The following SMOC1 variants were observed in gnomAD, a reference collection of about 807,000 sequenced individuals.
SMOC1 encodes the protein SPARC related modular calcium binding 1.
SMOC1 carries 22 observed loss-of-function variants against 56.3 expected under a neutral mutation model. That is an observed-to-expected ratio of 0.39 (90% confidence interval 0.28 to 0.56). The LOEUF (loss-of-function observed/expected upper bound fraction) is 0.56. Among genes scored for constraint, SMOC1 ranks in the 20% least tolerant of loss-of-function variants. SMOC1 has a pLI of 0.61. For missense variants in SMOC1, 509 were observed against 565.4 expected (o/e 0.90, Z 1.01); for synonymous variants, 193 against 215.0 (o/e 0.90, Z 0.89).
chr14:69,933,365 C>CT (rs11400707), intron 1 of SMOC1, among the ~76,000 whole-genome samples: 45,013 of 151,238 alleles, frequency 0.3, 7,115 homozygotes, highest in Admixed American at 0.37. Flanking sequence ...AAATGAAAGA[C>CT]TTTTTTTTTC....
intron 1 of SMOC1, among the ~76,000 whole-genome samples, chr14:69,896,456 G>A (rs771685036): frequency 6.6e-6 from 1 of 152,146 alleles, no homozygotes; most frequent in East Asian, 1.9e-4. Flanking sequence ...CTGGGTAATT[G>A]AGCTTAAATG....
intron 7 of SMOC1, among the ~76,000 whole-genome samples, chr14:70,005,419 A>T (rs1255191558): frequency 1.3e-5 from 2 of 152,080 alleles, no homozygotes; most frequent in Non-Finnish European, 2.9e-5. Flanking sequence ...CTGGGCCTGG[A>T]GACAGGGTTC....
chr14:69,986,193 C>A (rs556486291), intron 5 of SMOC1, among the ~76,000 whole-genome samples: 42 of 152,278 alleles, frequency 2.8e-4, no homozygotes, highest in African/African-American at 9.1e-4. Flanking sequence ...ATATAACAGT[C>A]TAGAAATGAC....
chr14:69,901,091 C>T (rs1473041292), intron 1 of SMOC1, among the ~76,000 whole-genome samples: 1 of 152,214 alleles, frequency 6.6e-6, no homozygotes, highest in Non-Finnish European at 1.5e-5. Context: ...ACTGCTATAC[C>T]ATGTGATGAA....
At chr14:70,028,696 C>T (rs1886021854) in intron 11 of SMOC1, among the ~76,000 whole-genome samples, 1 of 152,192 alleles carries the variant, frequency 6.6e-6, no homozygotes. Flanking sequence ...GAAGCAGCTG[C>T]TGGAGGGAGT....
At chr14:69,976,750 C>T (rs962516121) in intron 4 of SMOC1, among the ~76,000 whole-genome samples, 5 of 152,180 alleles carry the variant, frequency 3.3e-5, no homozygotes, top group African/African-American at 1.2e-4. Context: ...TATCTGTGTG[C>T]ATAGGGTTTT....
At chr14:69,960,692 CT>C (rs1420417768) in intron 3 of SMOC1, among the ~76,000 whole-genome samples, 1 of 152,134 alleles carries the variant, frequency 6.6e-6, no homozygotes, top group Non-Finnish European at 1.5e-5. Flanking sequence ...CAGTGAATTG[CT>C]TTTGTTCCAA....
intron 10 of SMOC1, among the ~76,000 whole-genome samples, chr14:70,019,442 T>C (rs1438810578): frequency 6.6e-6 from 1 of 152,218 alleles, no homozygotes; most frequent in African/African-American, 2.4e-5. Flanking sequence ...AAGTCTGCAG[T>C]GTGGACAAGC....
Position 70,030,557 on chromosome 14 carries a change from G to C in SMOC1, c.*299G>C, listed in dbSNP as rs1313214673. On this transcript the variant is annotated 3_prime_UTR_variant, in exon 12 of 12. Coordinates refer to ENST00000361956, the MANE Select transcript of SMOC1 (RefSeq NM_001034852.3). ...TAGAGGGTTTTGGGGGGGTGGGGGAGGGTGTTGTTGGGGCTGAGAAGAAAG... is the reference window on the plus strand; with the variant it reads ...TAGAGGGTTTTGGGGGGGTGGGGGACGGTGTTGTTGGGGCTGAGAAGAAAG... 4.8e-6 allele frequency: 2 copies of C among 419,786 alleles called. No individual in the cohort carries two copies. The highest frequency in any genetic ancestry group is 4.1e-5 in the African/African-American group (2 of 48,904). The allele number at this position is 419,786 out of a possible 1,614,324, so 26.0% of individuals were successfully genotyped here.
chr14:69,954,834 A>G (rs777701202), intron 3 of SMOC1, among the ~76,000 whole-genome samples: 44 of 152,202 alleles, frequency 2.9e-4, no homozygotes, highest in Non-Finnish European at 4.4e-5. Flanking sequence ...CAAAGGGTAT[A>G]TAGGCTGGTC....
At chr14:69,977,851 C>A in intron 4 of SMOC1, 67 bp from the exon 5 acceptor site, 1 of 1,372,374 alleles carries the variant, frequency 7.3e-7, no homozygotes, top group East Asian at 2.3e-5. Flanking sequence ...GTTTTGCCAA[C>A]TCTTAGAAAG....
At chr14:70,009,126 T>C (rs777270578) in intron 7 of SMOC1, among the ~76,000 whole-genome samples, 32 of 152,270 alleles carry the variant, frequency 2.1e-4, no homozygotes, top group Non-Finnish European at 3.8e-4. Flanking sequence ...ATTTGCATTA[T>C]GAAAACAGTA....
intron 1 of SMOC1, among the ~76,000 whole-genome samples, chr14:69,932,662 C>T (rs1165120607): frequency 2.0e-5 from 3 of 152,302 alleles, no homozygotes; most frequent in East Asian, 3.9e-4. Flanking sequence ...CATTCAAAGG[C>T]GGCTTTGTGG....
chr14:69,956,796 C>T (rs1037992534), intron 3 of SMOC1, among the ~76,000 whole-genome samples: 3 of 152,168 alleles, frequency 2.0e-5, no homozygotes, highest in Admixed American at 1.3e-4. Context: ...CTTTCTTCTA[C>T]AGCAGCGACA....
intron 3 of SMOC1, among the ~76,000 whole-genome samples, chr14:69,970,931 T>G (rs1328234830): frequency 6.6e-6 from 1 of 152,226 alleles, no homozygotes. Flanking sequence ...GTAAAGGGCT[T>G]CTTGCCAAAA....
chr14:69,909,014 A>G (rs927455769), intron 1 of SMOC1, among the ~76,000 whole-genome samples: 3 of 151,966 alleles, frequency 2.0e-5, no homozygotes, highest in Admixed American at 6.6e-5. Flanking sequence ...AAAGTCCTCT[A>G]TGGTGATGGA....
At chr14:70,027,954 A>G (rs1250265650) in intron 11 of SMOC1, among the ~76,000 whole-genome samples, 5 of 152,214 alleles carry the variant, frequency 3.3e-5, no homozygotes, top group Non-Finnish European at 7.3e-5. Context: ...CTCCGGGAGC[A>G]GAGCCTATGC....
At chr14:70,011,256 A>G (rs554721379) in intron 8 of SMOC1, among the ~76,000 whole-genome samples, 2 of 152,190 alleles carry the variant, frequency 1.3e-5, no homozygotes, top group Non-Finnish European at 2.9e-5. Context: ...CAGCTCAAGT[A>G]TCATTGTTAT....
intron 1 of SMOC1, among the ~76,000 whole-genome samples, chr14:69,924,995 TAG>T (rs1884967661): frequency 6.3e-5 from 1 of 15,750 alleles, no homozygotes; most frequent in Non-Finnish European, 1.2e-4. Context: ...GTAGGGGAGG[TAG>T]GGGAGGTAGG....
Sources: allele counts gnomAD v4.1 joint callset (sites outside exome capture counted in the v4.1 genomes callset), GRCh38; gene constraint gnomAD v4.1.1; transcripts MANE v1.5; gene names NCBI Gene and HGNC (gene_info 2026-07-23, HGNC 2026-07-21).